GREB1: variants seen among roughly 807,000 people sequenced by gnomAD.
The protein encoded by GREB1 is growth regulating estrogen receptor binding 1.
In GREB1, 106 loss-of-function variants were observed where a neutral mutation model predicts 200.7. That is an observed-to-expected ratio of 0.53 (90% CI 0.45 to 0.62). The LOEUF (loss-of-function observed/expected upper bound fraction) is 0.62, where lower values mean the gene tolerates loss of function less well. GREB1 is among the 20% of genes least tolerant of loss of function. The pLI, the probability that GREB1 is intolerant of heterozygous loss-of-function variation, is 0.00. For missense variants in GREB1, 2,243 were observed against 2,556.8 expected, an observed-to-expected ratio of 0.88 and a Z score of 2.65; for synonymous variants, 1,132 against 1,092.4, an observed-to-expected ratio of 1.04 and a Z score of -0.72.
intron 1 of GREB1, among the ~76,000 whole-genome samples, chr2:11,497,334 T>C (rs752129403): frequency 6.6e-6 from 1 of 152,234 alleles, no homozygotes; most frequent in Non-Finnish European, 1.5e-5. Context: ...TTGTCTTTCA[T>C]GATATTGATG....
At chr2:11,600,398 CTT>C (rs1681677491) in intron 15 of GREB1, among the ~76,000 whole-genome samples, 1 of 152,162 alleles carries the variant, frequency 6.6e-6, no homozygotes, top group African/African-American at 2.4e-5. Flanking sequence ...AGAATTTACT[CTT>C]TTACATCTTT....
At chr2:11,525,903 T>C (rs988508407) in intron 1 of GREB1, among the ~76,000 whole-genome samples, 1 of 152,222 alleles carries the variant, frequency 6.6e-6, no homozygotes, top group Non-Finnish European at 1.5e-5. Context: ...GGATCCTTTG[T>C]TGTAAAGCTT....
chr2:11,611,368 G>A (rs1021285298), intron 18 of GREB1, among the ~76,000 whole-genome samples: 13 of 152,114 alleles, frequency 8.5e-5, no homozygotes, highest in African/African-American at 1.9e-4. Context: ...GCTGGAGTGC[G>A]GTGGCGTGAT....
chr2:11,612,209 A>AT, intron 18 of GREB1: 5 of 606,634 alleles, frequency 8.2e-6, no homozygotes, highest in African/African-American at 2.0e-5. Context: ...AAAAAAAAAA[A>AT]GACTTAAGGA....
chr2:11,500,865 G>T (rs917955181), intron 1 of GREB1, among the ~76,000 whole-genome samples: 2 of 152,190 alleles, frequency 1.3e-5, no homozygotes, highest in Non-Finnish European at 2.9e-5. Context: ...AGAGTAAGAG[G>T]AATGGCAGAA....
chr2:11,529,851 G>A (rs1344802974), upstream of GREB1, among the ~76,000 whole-genome samples: 8 of 152,158 alleles, frequency 5.3e-5, no homozygotes, highest in African/African-American at 1.7e-4. Flanking sequence ...CATACAGCAT[G>A]AGCCCATTCA....
In GREB1 at chr2:11,600,899, G is replaced by A. The variant is rs781203371; in HGVS notation, c.2433G>A (p.Val811=). Residue 811 remains valine (V), a synonymous_variant, in exon 16 of 33, where the codon GTG becomes GTA. Coordinates refer to ENST00000381486, the MANE Select transcript of GREB1 (RefSeq NM_014668.4). ...CREVKEAPNI[V]TLHVTSFPYA... is the part of the protein sequence containing the mutation. ...AGGTGAAGGAGGCCCCCAACATTGT[G>A]ACACTTCACGTGACCTCCTTCCCGT... The A allele has an allele frequency of 5.6e-6, 9 of 1,614,008 alleles. No homozygotes were observed. Among genetic ancestry groups the A allele is most frequent in the Non-Finnish European group, 7.6e-6 (9 of 1,179,994 alleles).
chr2:11,560,527 C>G (rs940342431), intron 2 of GREB1, among the ~76,000 whole-genome samples: 24 of 152,146 alleles, frequency 1.6e-4, no homozygotes, highest in African/African-American at 5.8e-4. Context: ...ATGGTGAAAC[C>G]CCATCTCTAC....
intron 26 of GREB1, 50 bp from the exon 27 acceptor site, chr2:11,631,859 T>C: frequency 2.2e-6 from 3 of 1,352,042 alleles, no homozygotes; most frequent in African/African-American, 1.4e-5. Context: ...AAGGGAATAA[T>C]TGCAGCCACA....
chr2:11,484,585 TAAAAAACAAAAAA>T lies in GREB1; in HGVS notation c.-159+2211_-159+2223del, dbSNP rs1307666043. Among the ~76,000 whole-genome samples, 6 of 7,792 alleles carry T rather than the reference TAAAAAACAAAAAA, an allele frequency of 7.7e-4. No homozygotes were observed. In the South Asian group the frequency reaches 0.024, roughly 31 times the overall value. The allele number at this position is 7,792 out of a possible 152,430, so 5.1% of individuals were successfully genotyped here. On this transcript the variant is annotated intron_variant, in intron 1 of 2. Transcript: ENST00000628795. ...GCAACATAGCGAGACTCTCATCTCT[TAAAAAACAAAAAA>T]AAAAAAAAAAGAAAGAAAGAAAAAG...
chr2:11,554,466 GC>G (rs1676239473), intron 1 of GREB1, among the ~76,000 whole-genome samples: 1 of 152,192 alleles, frequency 6.6e-6, no homozygotes, highest in Non-Finnish European at 1.5e-5. Context: ...ACATCTTGAA[GC>G]TACTCTGCCA....
intron 1 of GREB1, among the ~76,000 whole-genome samples, chr2:11,538,249 A>G (rs952316412): frequency 6.6e-6 from 1 of 152,176 alleles, no homozygotes; most frequent in African/African-American, 2.4e-5. Context: ...CCTGGGAACG[A>G]AGAAGCCCAC....
At chr2:11,596,038 A>G (rs1681176252) in intron 12 of GREB1, 73 bp from the exon 13 acceptor site, 2 of 1,465,492 alleles carry the variant, frequency 1.4e-6, no homozygotes, top group Admixed American at 1.7e-5. Flanking sequence ...AGTACCTGAC[A>G]CTAACTGCGC....
Position 11,632,850 on chromosome 2 carries a change from G to A in GREB1, c.4817-39G>A, listed in dbSNP as rs199830644. The A allele has an allele frequency of 7.6e-6, 12 of 1,586,774 alleles. No individual in the cohort carries two copies. In the East Asian group the frequency reaches 2.5e-4, roughly 33 times the overall value. ...GGGTCTGTCTGCTGTGGGTGTGGGTGCAGGTCAGTCCTGAGTCCAGGTGCT... is the reference window on the plus strand; with the variant it reads ...GGGTCTGTCTGCTGTGGGTGTGGGTACAGGTCAGTCCTGAGTCCAGGTGCT... On this transcript the variant is annotated intron_variant, in intron 27 of 32. Transcript: ENST00000381486.
intron 3 of GREB1, among the ~76,000 whole-genome samples, chr2:11,565,477 C>T (rs1311355430): frequency 1.3e-5 from 2 of 152,108 alleles, no homozygotes; most frequent in African/African-American, 4.8e-5. Flanking sequence ...GTCAGGACTC[C>T]CAGAGAGGTC....
At chr2:11,525,780 G>A (rs1673852970) in intron 1 of GREB1, among the ~76,000 whole-genome samples, 2 of 152,116 alleles carry the variant, frequency 1.3e-5, no homozygotes, top group East Asian at 1.9e-4. Flanking sequence ...CATATGCCTG[G>A]TTCTGAACGA....
chr2:11,610,862 G>A lies in GREB1; in HGVS notation c.2841G>A (p.Gly947=), dbSNP rs1422400724. ...NSPKQCPCGH[G]LMVLLRVPCS... ...CGAAGCAGTGCCCCTGCGGCCACGG[G>A]CTCATGGTCCTGCTGCGGGTGCCCT... Residue 947 remains glycine (G), a synonymous_variant, in exon 18 of 33, where the codon GGG becomes GGA. Coordinates refer to ENST00000381486, the MANE Select transcript of GREB1 (RefSeq NM_014668.4). The A allele has an allele frequency of 6.2e-7, 1 of 1,613,182 alleles. No individual in the cohort carries two copies. Among genetic ancestry groups the A allele is most frequent in the African/African-American group, 1.3e-5 (1 of 74,940 alleles).
Position 11,637,814 on chromosome 2 carries a change from G to C in GREB1, c.5445G>C (p.Glu1815Asp), listed in dbSNP as rs1191719708. 1 of 1,614,156 alleles carries C rather than the reference G, an allele frequency of 6.2e-7. No individual in the cohort carries two copies. The highest frequency in any genetic ancestry group is 8.5e-7 in the Non-Finnish European group (1 of 1,180,006). ...CAGCGCCCGCCCAGCTCCTGCTGGA[G>C]AAGTTCCTGCAGCACCACAGCCACC... is the stretch of plus-strand genomic sequence containing the variant. ...FLAAPAQLLL[E>D]KFLQHHSHLF... Residue 1815 changes from glutamate to aspartate, a missense_variant, in exon 31 of 33, where the codon GAG becomes GAC. Physicochemically the swap from Glu to Asp is conservative, Grantham distance 45. Around this residue, in one of 3 missense-constraint regions of GREB1, gnomAD observed 478 missense variants for 616.3 expected, o/e 0.78. Transcript: ENST00000381486.
At chr2:11,569,460 A>C (rs114572805) in intron 4 of GREB1, among the ~76,000 whole-genome samples, 7,138 of 152,184 alleles carry the variant, frequency 0.047, 509 homozygotes, top group African/African-American at 0.15. Context: ...CGGCAATCGG[A>C]GGAGCACACC....
Sources: allele counts gnomAD v4.1 joint callset (sites outside exome capture counted in the v4.1 genomes callset), GRCh38; gene constraint gnomAD v4.1.1; regional missense constraint gnomAD v4.1.1; transcripts MANE v1.5; gene names NCBI Gene and HGNC (gene_info 2026-07-23, HGNC 2026-07-21).